AGBL4: variants seen among roughly 807,000 people sequenced by gnomAD.
AGBL4 encodes the protein AGBL carboxypeptidase 4.
A neutral mutation model predicts 66.4 loss-of-function variants in AGBL4; 58 were observed. The ratio of observed to expected loss-of-function variants is 0.87; its 90% CI spans 0.71 to 1.09. AGBL4 has a LOEUF of 1.09. Among genes scored for constraint, AGBL4 ranks in the 50% least tolerant of loss-of-function variants. AGBL4 has a pLI of 0.00. For missense variants in AGBL4, 579 were observed against 631.0 expected (o/e 0.92, Z 0.88); for synonymous variants, 234 against 222.9 (o/e 1.05, Z -0.44).
At chr1:48,628,421 G>A (rs1033514929) in intron 9 of AGBL4, among the ~76,000 whole-genome samples, 9 of 152,034 alleles carry the variant, frequency 5.9e-5, no homozygotes, top group Non-Finnish European at 8.8e-5. Flanking sequence ...CCTAACAAGC[G>A]GCACTTTGTT....
intron 4 of AGBL4, among the ~76,000 whole-genome samples, chr1:49,133,691 T>A (rs1398621629): frequency 6.6e-6 from 1 of 152,122 alleles, no homozygotes; most frequent in Non-Finnish European, 1.5e-5. Flanking sequence ...AATATGTGGA[T>A]GTTCTTCTTT....
At chr1:49,771,237 T>C (rs983505413) in intron 2 of AGBL4, among the ~76,000 whole-genome samples, 6 of 152,166 alleles carry the variant, frequency 3.9e-5, no homozygotes, top group Non-Finnish European at 8.8e-5. Flanking sequence ...TTAATTTACA[T>C]TTTAATTTAT....
chr1:49,284,478 C>A (rs1159187099), intron 3 of AGBL4, among the ~76,000 whole-genome samples: 3 of 151,838 alleles, frequency 2.0e-5, no homozygotes, highest in East Asian at 1.9e-4. Flanking sequence ...CGAGCAAAAT[C>A]ACCAGCTAAC....
At chr1:48,848,530 T>C (rs1456826069) in intron 6 of AGBL4, among the ~76,000 whole-genome samples, 1 of 152,158 alleles carries the variant, frequency 6.6e-6, no homozygotes, top group East Asian at 1.9e-4. Context: ...AGGGGAAAAA[T>C]AACAGAACAA....
chr1:49,920,533 A>T (rs1185661234), intron 1 of AGBL4, among the ~76,000 whole-genome samples: 1 of 152,182 alleles, frequency 6.6e-6, no homozygotes, highest in African/African-American at 2.4e-5. Flanking sequence ...AATCAAAACC[A>T]CAGTGAGATA....
At chr1:49,441,393 G>A (rs111287344) in intron 3 of AGBL4, among the ~76,000 whole-genome samples, 26 of 152,276 alleles carry the variant, frequency 1.7e-4, no homozygotes, top group Non-Finnish European at 2.9e-4. Flanking sequence ...GGCTCTAATA[G>A]TTTATTTGCT....
chr1:49,573,138 GTGTGTGTC>G (rs1318170450), intron 3 of AGBL4, among the ~76,000 whole-genome samples: 38 of 134,492 alleles, frequency 2.8e-4, no homozygotes, highest in South Asian at 2.8e-3. Flanking sequence ...GTGTCTGTGT[GTGTGTGTC>G]TGTGTGTGTG....
At chr1:48,897,072 C>T (rs1386406574) in intron 5 of AGBL4, among the ~76,000 whole-genome samples, 1 of 152,238 alleles carries the variant, frequency 6.6e-6, no homozygotes, top group East Asian at 1.9e-4. Flanking sequence ...ATCATCTTTA[C>T]CATTTTAAGT....
rs555422142 is a variant in AGBL4, at chr1:48,674,534, G to GC, written c.635-11294_635-11293insG. ...GGTGTTGGGCGCGTTGGGGCGGGGA[G>GC]GGGGGGGATGGGTGGGTGAGCATGA... On this transcript the variant is annotated intron_variant, in intron 6 of 13. Transcript: ENST00000371839. Among the ~76,000 whole-genome samples the GC allele has an allele frequency of 3.3e-5, 5 of 151,116 alleles. No individual in the cohort carries two copies. The East Asian group carries it at 9.8e-4, about 30-fold the overall frequency.
At chr1:49,385,000 T>C (rs921957843) in intron 3 of AGBL4, among the ~76,000 whole-genome samples, 1 of 152,210 alleles carries the variant, frequency 6.6e-6, no homozygotes, top group Non-Finnish European at 1.5e-5. Flanking sequence ...TCTTGTCATA[T>C]GCTTCAGCCT....
intron 2 of AGBL4, among the ~76,000 whole-genome samples, chr1:49,820,627 T>A (rs1184971884): frequency 6.6e-6 from 1 of 152,172 alleles, no homozygotes; most frequent in Non-Finnish European, 1.5e-5. Context: ...AACAAGTACA[T>A]TCCTATCTAC....
chr1:48,625,423 T>C (rs185968854), intron 9 of AGBL4, among the ~76,000 whole-genome samples: 1 of 152,230 alleles, frequency 6.6e-6, no homozygotes, highest in Admixed American at 6.5e-5. Context: ...GTTGGGGATA[T>C]AAAAATAACC....
intron 3 of AGBL4, among the ~76,000 whole-genome samples, chr1:49,576,297 A>G (rs1033147925): frequency 1.3e-5 from 2 of 152,198 alleles, no homozygotes; most frequent in Non-Finnish European, 2.9e-5. Flanking sequence ...GCTCTGCAAC[A>G]GGTCCAGGCT....
At chr1:49,565,514 C>A (rs1283251849) in intron 3 of AGBL4, among the ~76,000 whole-genome samples, 11 of 152,170 alleles carry the variant, frequency 7.2e-5, no homozygotes, top group Admixed American at 7.2e-4. Flanking sequence ...GACAAAATCT[C>A]TCAGCATTTG....
chr1:48,839,090 A>C (rs1035824795), intron 6 of AGBL4, among the ~76,000 whole-genome samples: 4 of 152,168 alleles, frequency 2.6e-5, no homozygotes, highest in Admixed American at 6.5e-5. Flanking sequence ...AATGTAAATT[A>C]GTATAGCTAC....
At chr1:49,272,785 G>A (rs1644088574) in intron 3 of AGBL4, among the ~76,000 whole-genome samples, 1 of 151,708 alleles carries the variant, frequency 6.6e-6, no homozygotes, top group Non-Finnish European at 1.5e-5. Flanking sequence ...TTTATATACT[G>A]TCTGTCTGAT....
chr1:49,740,187 A>T (rs4110430), intron 2 of AGBL4, among the ~76,000 whole-genome samples: 1 of 152,222 alleles, frequency 6.6e-6, no homozygotes, highest in Admixed American at 6.5e-5. Flanking sequence ...TAGGCTTAAA[A>T]TAAAGGGATG....
chr1:49,479,852 C>T (rs1177915202), intron 3 of AGBL4, among the ~76,000 whole-genome samples: 1 of 151,644 alleles, frequency 6.6e-6, no homozygotes, highest in Non-Finnish European at 1.5e-5. Context: ...GGACTACAGG[C>T]GCCCGCCACC....
At chr1:49,281,247 T>C (rs561084309) in intron 3 of AGBL4, among the ~76,000 whole-genome samples, 2 of 152,300 alleles carry the variant, frequency 1.3e-5, no homozygotes, top group African/African-American at 4.8e-5. Context: ...ATGCCACATA[T>C]GCAAAAAGAG....
Sources: gnomAD v4.1 joint callset for allele counts (sites outside exome capture counted in the v4.1 genomes callset) on GRCh38, gnomAD v4.1.1 for gene constraint, MANE v1.5 for transcripts, NCBI Gene and HGNC (gene_info 2026-07-23, HGNC 2026-07-21) for gene names.